Variants in PCLO observed in about 807,000 individuals in gnomAD.
The protein encoded by PCLO is protein piccolo.
A neutral mutation model predicts 427.5 loss-of-function variants in PCLO; 82 were observed. The observed-to-expected ratio is 0.19, with a 90% CI of 0.16 to 0.23. The LOEUF (loss-of-function observed/expected upper bound fraction) is 0.23, where lower values mean the gene tolerates loss of function less well. PCLO is among the 10% of genes least tolerant of loss of function. The probability of loss-of-function intolerance (pLI) is 1.00; values close to 1 mark genes in which losing one functional copy is unlikely to be tolerated. For missense variants in PCLO, 6,239 were observed against 6,115.9 expected (o/e 1.02, Z -0.67); for synonymous variants, 2,357 against 2,155.4 (o/e 1.09, Z -2.59).
Position 82,957,024 on chromosome 7 carries a change from C to G in PCLO, c.4018-89G>C, listed in dbSNP as rs2115583166. Reference sequence around the variant, plus strand: ...ATTACTACCAAATAACTATTAGGAACTGAAAAATAATTTTGGAAAATTTTT... The same window carrying G: ...ATTACTACCAAATAACTATTAGGAAGTGAAAAATAATTTTGGAAAATTTTT... On this transcript the variant is annotated intron_variant, in intron 4 of 24. Transcript: ENST00000333891. 3 of 1,328,088 alleles carry G rather than the reference C, an allele frequency of 2.3e-6. No homozygotes were observed. The South Asian group carries it at 7.1e-5, about 31-fold the overall frequency. 82.3% of individuals were successfully genotyped at this position (1,328,088 alleles called of 1,614,324 possible). A position where few individuals can be genotyped will look rare whatever the true frequency, so the allele number is the denominator to read the frequency against.
chr7:83,012,925 A>G (rs1788120322), intron 3 of PCLO, among the ~76,000 whole-genome samples: 2 of 152,134 alleles, frequency 1.3e-5, no homozygotes, highest in South Asian at 4.1e-4. Context: ...ATGGAGTTCA[A>G]CCAATGCAGA....
intron 6 of PCLO, among the ~76,000 whole-genome samples, chr7:82,918,879 T>C (rs1163139856): frequency 2.0e-5 from 3 of 152,054 alleles, no homozygotes; most frequent in African/African-American, 4.8e-5. Context: ...TATTCTAATG[T>C]TTGGTCACTA....
chr7:82,939,865 CT>C (rs1325613542), intron 6 of PCLO, among the ~76,000 whole-genome samples: 2 of 151,600 alleles, frequency 1.3e-5, no homozygotes, highest in Admixed American at 1.3e-4. Context: ...TGAACATGGC[CT>C]TTATTTCATA....
Position 83,135,235 on chromosome 7 carries a change from G to A in PCLO, c.2315C>T (p.Ala772Val). Reference sequence around the variant, plus strand: ...GCTTGGAATATCAGGTTTTGTTGTTGCTGATGATGAAGATACAAGGTCAGT... The same window carrying A: ...GCTTGGAATATCAGGTTTTGTTGTTACTGATGATGAAGATACAAGGTCAGT... ...PTTDLVSSSS[A>V]TTKPDIPSSK... The change falls in exon 3 of 25, where the codon GCA becomes GTA. Residue 772 changes from alanine (A) to valine (V), a missense_variant. Around this residue, in one of 5 missense-constraint regions of PCLO, gnomAD observed 4,677 missense variants for 4,468.4 expected, o/e 1.05. Coordinates refer to ENST00000333891, the MANE Select transcript of PCLO (RefSeq NM_033026.6). The A allele has an allele frequency of 1.2e-6, 2 of 1,613,850 alleles. No individual in the cohort carries two copies. The highest frequency in any genetic ancestry group is 1.7e-6 in the Non-Finnish European group (2 of 1,179,876).
intron 20 of PCLO, among the ~76,000 whole-genome samples, chr7:82,816,492 G>A (rs1791682779): frequency 6.6e-6 from 1 of 151,726 alleles, no homozygotes; most frequent in South Asian, 2.1e-4. Context: ...CCTGCTCCCT[G>A]GTGGTAATTT....
In PCLO at chr7:83,135,052, T is replaced by C. The variant is rs779492359; in HGVS notation, c.2498A>G (p.His833Arg). Reference sequence around the variant, plus strand: ...TTTGCTCTCTGAACTGGGACCAGGATGTGAAATAATTTTTGAATCTGATGC... The same window carrying C: ...TTTGCTCTCTGAACTGGGACCAGGACGTGAAATAATTTTTGAATCTGATGC... Reference protein sequence around the residue: ...RPASDSKIISHPGPSSESKGQ... With the variant: ...RPASDSKIISRPGPSSESKGQ... Residue 833 changes from histidine to arginine, a missense_variant, in exon 3 of 25, where the codon CAT becomes CGT. This residue lies in a region of PCLO where 4,677 missense variants were observed against 4,468.4 expected (regional missense o/e 1.05). Transcript: ENST00000333891. 3.1e-6 allele frequency: 5 copies of C among 1,613,934 alleles called. No individual in the cohort carries two copies. The highest frequency in any genetic ancestry group is 4.2e-6 in the Non-Finnish European group (5 of 1,179,858).
intron 3 of PCLO, among the ~76,000 whole-genome samples, chr7:83,033,127 C>T (rs1788712641): frequency 6.6e-6 from 1 of 152,058 alleles, no homozygotes; most frequent in Non-Finnish European, 1.5e-5. Flanking sequence ...TTATAAGTTT[C>T]CTGAGATCTC....
At chr7:82,806,259 A>G in intron 20 of PCLO, among the ~76,000 whole-genome samples, 1 of 152,156 alleles carries the variant, frequency 6.6e-6, no homozygotes, top group East Asian at 1.9e-4. Flanking sequence ...TTTTTTTCCT[A>G]TTACTAGACT....
intron 10 of PCLO, among the ~76,000 whole-genome samples, chr7:82,871,471 A>G (rs1293360949): frequency 6.6e-6 from 1 of 151,730 alleles, no homozygotes; most frequent in African/African-American, 2.4e-5. Flanking sequence ...TGGAGGGGGG[A>G]ATGATGAGGG....
At chr7:83,045,531 G>A (rs1045129371) in intron 3 of PCLO, among the ~76,000 whole-genome samples, 2 of 151,960 alleles carry the variant, frequency 1.3e-5, no homozygotes, top group Admixed American at 6.6e-5. Context: ...TTATGGTGAT[G>A]GGCATATTCT....
intron 2 of PCLO, among the ~76,000 whole-genome samples, chr7:83,152,057 C>T (rs1356301127): frequency 5.5e-4 from 84 of 152,064 alleles, no homozygotes; most frequent in African/African-American, 2.0e-3. Context: ...CTCCGCCTCC[C>T]CGGTTCAGGC....
intron 3 of PCLO, among the ~76,000 whole-genome samples, chr7:83,030,464 T>C (rs187693624): frequency 1.2e-3 from 188 of 152,304 alleles, no homozygotes; most frequent in Non-Finnish European, 2.1e-3. Flanking sequence ...CTAAAAACAA[T>C]AGTAAATGAC....
At chr7:83,115,434 T>A (rs1364571660) in intron 3 of PCLO, among the ~76,000 whole-genome samples, 1 of 152,088 alleles carries the variant, frequency 6.6e-6, no homozygotes, top group Non-Finnish European at 1.5e-5. Flanking sequence ...AAGTCTAATT[T>A]TAGGATTTAA....
chr7:82,776,513 G>A (rs755445405), intron 22 of PCLO, among the ~76,000 whole-genome samples: 1 of 152,256 alleles, frequency 6.6e-6, no homozygotes, highest in African/African-American at 2.4e-5. Flanking sequence ...GTAAAATCTG[G>A]GCTGGGGATG....
chr7:83,041,205 G>C (rs1347241956), intron 3 of PCLO, among the ~76,000 whole-genome samples: 1 of 151,974 alleles, frequency 6.6e-6, no homozygotes, highest in African/African-American at 2.4e-5. Flanking sequence ...TGACTTAGGT[G>C]GTTATGAGGC....
intron 9 of PCLO, among the ~76,000 whole-genome samples, chr7:82,883,501 T>A (rs910085710): frequency 1.2e-4 from 19 of 152,142 alleles, no homozygotes; most frequent in African/African-American, 4.6e-4. Context: ...TAAAGAATTT[T>A]CACTATTTAT....
chr7:83,143,034 C>T (rs941776202), intron 2 of PCLO, among the ~76,000 whole-genome samples: 11 of 152,086 alleles, frequency 7.2e-5, no homozygotes, highest in East Asian at 1.9e-4. Context: ...TATTATTTAA[C>T]GGTAAACTAT....
At chr7:82,957,614 G>A (rs1275254314) in intron 4 of PCLO, among the ~76,000 whole-genome samples, 1 of 152,092 alleles carries the variant, frequency 6.6e-6, no homozygotes, top group Non-Finnish European at 1.5e-5. Flanking sequence ...TAGAAATTAT[G>A]TACTTTGAAA....
intron 6 of PCLO, among the ~76,000 whole-genome samples, chr7:82,927,441 C>G (rs1794737651): frequency 6.6e-6 from 1 of 152,150 alleles, no homozygotes; most frequent in South Asian, 2.1e-4. Flanking sequence ...CAGTCTGGAG[C>G]CTTGTCATTT....
Sources: gnomAD v4.1 joint callset for allele counts (sites outside exome capture counted in the v4.1 genomes callset) on GRCh38, gnomAD v4.1.1 for gene constraint, gnomAD v4.1.1 regional missense constraint, MANE v1.5 for transcripts, NCBI Gene and HGNC (gene_info 2026-07-23, HGNC 2026-07-21) for gene names.